The following ALS2 variants were observed in gnomAD, a reference collection of about 807,000 sequenced individuals.
The protein encoded by ALS2 is alsin.
In ALS2, 117 loss-of-function variants were observed where a neutral mutation model predicts 203.4. That is an observed-to-expected ratio of 0.58 (90% CI 0.50 to 0.67). The LOEUF is 0.67. ALS2 is among the 30% of genes least tolerant of loss of function. The pLI, the probability that ALS2 is intolerant of heterozygous loss-of-function variation, is 0.00. For synonymous variants in ALS2, 718 were observed against 725.9 expected (o/e 0.99, Z 0.17); for missense variants, 1,715 against 1,989.4 (o/e 0.86, Z 2.62).
chr2:201,780,653 C>T (rs1052752154), intron 1 of ALS2, among the ~76,000 whole-genome samples: 1 of 152,224 alleles, frequency 6.6e-6, no homozygotes, highest in African/African-American at 2.4e-5. Context: ...AACCTGGGGC[C>T]AAGGCAGGGG....
At position 201,768,932 on chromosome 2, in the gene ALS2, A is replaced by C; in HGVS notation, c.-47T>G. On this transcript the variant is annotated 5_prime_UTR_variant, in exon 2 of 34. Coordinates refer to ENST00000264276, the MANE Select transcript of ALS2 (RefSeq NM_020919.4). Reference sequence around the variant, plus strand: ...CACCAAATCATTCCTTCTTTACAGAAAGTCTATCAAGACCTAAACAGTACA... The same window carrying C: ...CACCAAATCATTCCTTCTTTACAGACAGTCTATCAAGACCTAAACAGTACA... The C allele has an allele frequency of 1.3e-6, 2 of 1,588,334 alleles. No homozygotes were observed. The highest frequency in any genetic ancestry group is 1.7e-6 in the Non-Finnish European group (2 of 1,157,026).
At chr2:201,720,245 A>G in intron 23 of ALS2, 2 of 343,846 alleles carry the variant, frequency 5.8e-6, no homozygotes, top group Non-Finnish European at 1.1e-5. Context: ...CAGCAACACC[A>G]ACATATAAAA....
intron 25 of ALS2, among the ~76,000 whole-genome samples, chr2:201,711,713 A>G (rs1690036059): frequency 6.6e-6 from 1 of 152,246 alleles, no homozygotes; most frequent in Non-Finnish European, 1.5e-5. Context: ...TTTTGGTAAT[A>G]GTGTTCTATC....
At chr2:201,739,712 C>T (rs1229656511) in intron 11 of ALS2, among the ~76,000 whole-genome samples, 5 of 147,474 alleles carry the variant, frequency 3.4e-5, no homozygotes, top group African/African-American at 5.0e-5. Context: ...CATTGCACTC[C>T]AGCCTGGGCA....
intron 28 of ALS2, 59 bp downstream of exon 28, chr2:201,707,810 G>T: frequency 6.3e-7 from 1 of 1,594,380 alleles, no homozygotes; most frequent in South Asian, 1.1e-5. Flanking sequence ...GGGACTCTTT[G>T]AGTAAGATCA....
At chr2:201,701,997 C>G in intron 33 of ALS2, 108 bp from the exon 34 acceptor site, 1 of 955,790 alleles carries the variant, frequency 1.0e-6, no homozygotes, top group East Asian at 2.5e-5. Flanking sequence ...ACAAATTCAG[C>G]TGATGGCCCA....
At chr2:201,762,215 A>C (rs1027667606) in intron 3 of ALS2, among the ~76,000 whole-genome samples, 1 of 152,222 alleles carries the variant, frequency 6.6e-6, no homozygotes, top group African/African-American at 2.4e-5. Flanking sequence ...CAAAACAGAC[A>C]CATTCACTAA....
rs774444096 is a variant in ALS2, at chr2:201,701,841, G to A, written c.*10C>T. 1 of 1,613,376 alleles carries A rather than the reference G, an allele frequency of 6.2e-7. No individual in the cohort carries two copies. The highest frequency in any genetic ancestry group is 1.7e-5 in the Admixed American group (1 of 60,006). On this transcript the variant is annotated 3_prime_UTR_variant, in exon 34 of 34. Transcript: ENST00000264276. ...TAGTAGATAATCCAGTTTTCAAGCTGTTATGCAGCCTAGTTAAGCTTCTCA... is the reference window on the plus strand; with the variant it reads ...TAGTAGATAATCCAGTTTTCAAGCTATTATGCAGCCTAGTTAAGCTTCTCA...
rs1162696261 is a variant in ALS2, at chr2:201,741,672, G to A, written c.2351+2C>T. ...GAACATGACACGGGACTGGATACTT[G>A]CTCTGTATAACTATCCAAGAAGAGA... is the stretch of plus-strand genomic sequence containing the variant. On this transcript the variant is annotated splice_donor_variant, in intron 11 of 33. Coordinates refer to ENST00000264276, the MANE Select transcript of ALS2 (RefSeq NM_020919.4). LOFTEE classifies it low-confidence loss of function (GC_TO_GT_DONOR). 2 of 1,613,672 alleles carry A rather than the reference G, an allele frequency of 1.2e-6. No homozygotes were observed. Among genetic ancestry groups the A allele is most frequent in the Non-Finnish European group, 1.7e-6 (2 of 1,179,710 alleles).
intron 8 of ALS2, 60 bp downstream of exon 8, chr2:201,749,652 A>G: frequency 7.5e-7 from 1 of 1,341,746 alleles, no homozygotes; most frequent in Admixed American, 1.7e-5. Context: ...GAAATGGAGA[A>G]GTATAAGGTG....
intron 8 of ALS2, among the ~76,000 whole-genome samples, chr2:201,747,998 AACT>A (rs1278026158): frequency 1.3e-5 from 2 of 152,106 alleles, no homozygotes; most frequent in Non-Finnish European, 2.9e-5. Context: ...TTACTGCAAA[AACT>A]ACTACCTCTA....
intron 24 of ALS2, among the ~76,000 whole-genome samples, chr2:201,716,143 C>T (rs1188154347): frequency 6.6e-6 from 1 of 152,092 alleles, no homozygotes; most frequent in Non-Finnish European, 1.5e-5. Flanking sequence ...TGTGGTGGCT[C>T]ATGTCTGTAA....
intron 26 of ALS2, among the ~76,000 whole-genome samples, 184 bp from the exon 27 acceptor site, chr2:201,710,222 T>C (rs1243699138): frequency 1.3e-5 from 2 of 152,204 alleles, no homozygotes; most frequent in African/African-American, 4.8e-5. Flanking sequence ...TATATGAAGC[T>C]GGAGTTCCTA....
At chr2:201,723,784 C>T (rs1690968261) in intron 21 of ALS2, among the ~76,000 whole-genome samples, 1 of 152,078 alleles carries the variant, frequency 6.6e-6, no homozygotes, top group Admixed American at 6.5e-5. Context: ...CAGAATAAAA[C>T]CTATGCACAG....
At chr2:201,732,763 C>G (rs1691654583) in intron 13 of ALS2, among the ~76,000 whole-genome samples, 1 of 152,144 alleles carries the variant, frequency 6.6e-6, no homozygotes, top group African/African-American at 2.4e-5. Context: ...AGGATTCCAC[C>G]TAACTAGTTT....
chr2:201,745,629 G>A (rs1692583089), intron 9 of ALS2, among the ~76,000 whole-genome samples: 1 of 152,082 alleles, frequency 6.6e-6, no homozygotes, highest in Non-Finnish European at 1.5e-5. Context: ...AAATAAAAAG[G>A]GGATAAACAG....
At chr2:201,727,024 T>C (rs1691217900) in intron 17 of ALS2, among the ~76,000 whole-genome samples, 158 bp from the exon 18 acceptor site, 2 of 150,750 alleles carry the variant, frequency 1.3e-5, no homozygotes, top group Non-Finnish European at 2.9e-5. Flanking sequence ...TTCTCTGCTA[T>C]ATGTTTAAAA....
intron 19 of ALS2, 136 bp from the exon 20 acceptor site, chr2:201,725,590 C>T: frequency 1.3e-6 from 1 of 797,746 alleles, no homozygotes; most frequent in South Asian, 1.4e-5. Flanking sequence ...GTTAAAACAG[C>T]ATCTTGGTTT....
chr2:201,766,600 G>A (rs1435476580), intron 3 of ALS2, among the ~76,000 whole-genome samples: 1 of 151,328 alleles, frequency 6.6e-6, no homozygotes, highest in Non-Finnish European at 1.5e-5. Flanking sequence ...GGTGAGCTGA[G>A]ATTGCACCAT....
Sources: allele counts gnomAD v4.1 joint callset (sites outside exome capture counted in the v4.1 genomes callset), GRCh38; gene constraint gnomAD v4.1.1; transcripts MANE v1.5; gene names NCBI Gene and HGNC (gene_info 2026-07-23, HGNC 2026-07-21).